NXPH2: variants seen among roughly 807,000 people sequenced by gnomAD.
The protein encoded by NXPH2 is neurexophilin-2.
NXPH2 carries 5 observed loss-of-function variants against 19.8 expected under a neutral mutation model. The observed-to-expected ratio is 0.25, with a 90% CI of 0.13 to 0.53. NXPH2 has a LOEUF of 0.53. Ranked by LOEUF, NXPH2 falls within the 20% of genes least tolerant of loss-of-function variation. The pLI is 0.96. For missense variants in NXPH2, 289 were observed against 322.8 expected (o/e 0.90, Z 0.80); for synonymous variants, 154 against 127.4 (o/e 1.21, Z -1.41).
In NXPH2 at chr2:138,779,389, T is replaced by G. The variant is rs115421294; in HGVS notation, c.51+802A>C. ...CATGCATATAGAACATAGGCGTATA[T>G]CAGGAGGAGGAGAGCGTGGCGCCTC... is the stretch of plus-strand genomic sequence containing the variant. On this transcript the variant is annotated intron_variant, in intron 1 of 1. Transcript: ENST00000272641. Among the ~76,000 whole-genome samples, 1,125 of 152,232 alleles carry G rather than the reference T, an allele frequency of 7.4e-3. 13 individuals carry two copies. The highest frequency in any genetic ancestry group is 0.025 in the African/African-American group (1,038 of 41,546).
At chr2:138,776,431 G>T (rs1682263329) in intron 1 of NXPH2, among the ~76,000 whole-genome samples, 1 of 152,014 alleles carries the variant, frequency 6.6e-6, no homozygotes, top group African/African-American at 2.4e-5. Flanking sequence ...AACTGGACCA[G>T]ATAACATAAT....
intron 1 of NXPH2, among the ~76,000 whole-genome samples, chr2:138,738,152 C>G (rs985035424): frequency 6.6e-6 from 1 of 151,222 alleles, no homozygotes; most frequent in Non-Finnish European, 1.5e-5. Flanking sequence ...CACCTATGAA[C>G]ACCTTCATTT....
chr2:138,690,987 G>C (rs961234779), intron 1 of NXPH2, among the ~76,000 whole-genome samples: 1 of 152,242 alleles, frequency 6.6e-6, no homozygotes, highest in African/African-American at 2.4e-5. Context: ...GGGATAGTTA[G>C]CCAGAGCTCG....
In NXPH2 at chr2:138,739,025, G is replaced by C. The variant is rs1219261876; in HGVS notation, c.51+41166C>G. Among the ~76,000 whole-genome samples, 4 of 152,046 alleles carry C rather than the reference G, an allele frequency of 2.6e-5. 1 individual carries two copies. In the South Asian group the frequency reaches 8.3e-4, roughly 31 times the overall value. On this transcript the variant is annotated intron_variant, in intron 1 of 1. Transcript: ENST00000272641. Reference sequence around the variant, plus strand: ...ACAGAGTTATTTTTTTTTGAGAGGGGAAACTTCTAAATACAACGAGTTAAA... The same window carrying C: ...ACAGAGTTATTTTTTTTTGAGAGGGCAAACTTCTAAATACAACGAGTTAAA...
chr2:138,735,124 G>T (rs1681518993), intron 1 of NXPH2, among the ~76,000 whole-genome samples: 1 of 152,168 alleles, frequency 6.6e-6, no homozygotes, highest in South Asian at 2.1e-4. Context: ...GGATGCCCCT[G>T]AACTTGGGGA....
At chr2:138,760,307 C>A (rs1363560803) in intron 1 of NXPH2, among the ~76,000 whole-genome samples, 2 of 152,108 alleles carry the variant, frequency 1.3e-5, no homozygotes, top group African/African-American at 2.4e-5. Flanking sequence ...CTGTTGTATA[C>A]CGAGTCTGTC....
rs1344756950 is a variant in NXPH2, at chr2:138,671,702, T to G, written c.52-37A>C. 4 of 1,514,508 alleles carry G rather than the reference T, an allele frequency of 2.6e-6. No homozygotes were observed. In the South Asian group the frequency reaches 5.3e-5, roughly 20 times the overall value. 93.8% of individuals were successfully genotyped at this position (1,514,508 alleles called of 1,614,324 possible). On this transcript the variant is annotated intron_variant, in intron 1 of 1. Coordinates refer to ENST00000272641, the MANE Select transcript of NXPH2 (RefSeq NM_007226.3). ...GAAGAAAGAGAAATAAACTTTAGGT[T>G]AGTGCCGTGACTGCGCACTCAAACT...
intron 1 of NXPH2, among the ~76,000 whole-genome samples, chr2:138,703,650 T>C (rs1680965852): frequency 6.6e-6 from 1 of 152,218 alleles, no homozygotes; most frequent in Non-Finnish European, 1.5e-5. Flanking sequence ...GTCTCAAGGA[T>C]TCTAATTCAG....
intron 1 of NXPH2, among the ~76,000 whole-genome samples, chr2:138,735,897 G>A (rs57525555): frequency 0.032 from 4,913 of 152,330 alleles, 259 homozygotes; most frequent in African/African-American, 0.11. Context: ...CCAGCCCCAT[G>A]CAAGTCCAAA....
intron 1 of NXPH2, among the ~76,000 whole-genome samples, chr2:138,688,738 A>T (rs1303451414): frequency 6.6e-6 from 1 of 152,228 alleles, no homozygotes; most frequent in East Asian, 1.9e-4. Context: ...ACAGATGATC[A>T]TTGCAGTCAT....
intron 1 of NXPH2, among the ~76,000 whole-genome samples, chr2:138,756,050 C>T (rs868861148): frequency 6.6e-6 from 1 of 151,806 alleles, no homozygotes; most frequent in Admixed American, 6.6e-5. Flanking sequence ...CTTATTCATT[C>T]CAGGAGTTTT....
At chr2:138,721,249 G>A (rs565429090) in intron 1 of NXPH2, among the ~76,000 whole-genome samples, 128 of 152,116 alleles carry the variant, frequency 8.4e-4, no homozygotes, top group Admixed American at 2.2e-3. Flanking sequence ...GCTGAGGCAG[G>A]AGAATCGCTT....
At chr2:138,702,222 T>A (rs1321085059) in intron 1 of NXPH2, among the ~76,000 whole-genome samples, 3 of 152,124 alleles carry the variant, frequency 2.0e-5, no homozygotes, top group African/African-American at 7.2e-5. Context: ...GTGCAAATGT[T>A]CCTCCTGCCT....
intron 1 of NXPH2, among the ~76,000 whole-genome samples, chr2:138,757,809 TTCTTTATCTATC>T (rs1409515331): frequency 2.3e-5 from 3 of 133,018 alleles, no homozygotes; most frequent in South Asian, 2.6e-4. Flanking sequence ...ATGTGTGTGT[TTCTTTATCTATC>T]TATCTATCTA....
chr2:138,695,456 GAATAATGTGAAGATATTACTTCTGCCC>G (rs1193648275), intron 1 of NXPH2, among the ~76,000 whole-genome samples: 4 of 152,110 alleles, frequency 2.6e-5, no homozygotes, highest in African/African-American at 7.2e-5. Context: ...TGGGAAGAAT[GAATAATGTGAAGATATTACTTCTGCCC>G]AATAATGTGA....
chr2:138,679,401 T>A (rs1184541184), intron 1 of NXPH2, among the ~76,000 whole-genome samples: 1 of 61,000 alleles, frequency 1.6e-5, no homozygotes, highest in Admixed American at 1.7e-4. Context: ...GAGGCCTGAA[T>A]TTTTTTTTTT....
intron 1 of NXPH2, among the ~76,000 whole-genome samples, chr2:138,682,875 A>G (rs1680598382): frequency 6.6e-6 from 1 of 152,216 alleles, no homozygotes; most frequent in Non-Finnish European, 1.5e-5. Flanking sequence ...ACACACATGC[A>G]TGCACGCATG....
chr2:138,695,935 G>A (rs935874848), intron 1 of NXPH2, among the ~76,000 whole-genome samples: 3 of 152,076 alleles, frequency 2.0e-5, no homozygotes, highest in African/African-American at 4.8e-5. Flanking sequence ...GATCCCTTGA[G>A]GACTGGAGTT....
chr2:138,746,826 T>G (rs946322106), intron 1 of NXPH2, among the ~76,000 whole-genome samples: 1 of 152,172 alleles, frequency 6.6e-6, no homozygotes, highest in South Asian at 2.1e-4. Context: ...CACCACATAC[T>G]GCCTTTCATT....
Sources: allele counts gnomAD v4.1 joint callset (sites outside exome capture counted in the v4.1 genomes callset), GRCh38; gene constraint gnomAD v4.1.1; transcripts MANE v1.5; gene names NCBI Gene and HGNC (gene_info 2026-07-23, HGNC 2026-07-21).